The following ABLIM1 variants were observed in gnomAD, a reference collection of about 807,000 sequenced individuals.
ABLIM1 encodes the protein actin binding LIM protein 1, also known as actin-binding LIM protein 1.
ABLIM1 carries 40 observed loss-of-function variants against 107.0 expected under a neutral mutation model. The ratio of observed to expected loss-of-function variants is 0.37; its 90% CI spans 0.29 to 0.49. ABLIM1 has a LOEUF of 0.49. ABLIM1 is among the 20% of genes least tolerant of loss of function. ABLIM1 has a pLI of 0.97. For missense variants in ABLIM1, 857 were observed against 1,008.5 expected (o/e 0.85, Z 2.04); for synonymous variants, 357 against 357.3 (o/e 1.00, Z 0.01).
At chr10:114,632,209 C>G (rs1348761477) in intron 1 of ABLIM1, 9 of 985,278 alleles carry the variant, frequency 9.1e-6, no homozygotes, top group Non-Finnish European at 1.1e-5. Context: ...GCTACAGCTG[C>G]TGCTGTAACA....
intron 2 of ABLIM1, among the ~76,000 whole-genome samples, chr10:114,581,597 C>A (rs2073384015): frequency 1.3e-5 from 2 of 152,136 alleles, no homozygotes; most frequent in East Asian, 3.9e-4. Context: ...GGATGCTAAG[C>A]AAACATGATC....
At chr10:114,618,744 C>T (rs1325143187) in intron 1 of ABLIM1, among the ~76,000 whole-genome samples, 1 of 152,194 alleles carries the variant, frequency 6.6e-6, no homozygotes, top group Non-Finnish European at 1.5e-5. Context: ...ACCACGCTAG[C>T]CCCCAACCTG....
chr10:114,559,327 G>T (rs962198782), intron 4 of ABLIM1, among the ~76,000 whole-genome samples: 1 of 151,584 alleles, frequency 6.6e-6, no homozygotes, highest in Non-Finnish European at 1.5e-5. Context: ...TTCTAGTCGG[G>T]TGTGGTGGCA....
At chr10:114,538,044 G>A (rs910406404) in intron 6 of ABLIM1, among the ~76,000 whole-genome samples, 2 of 152,154 alleles carry the variant, frequency 1.3e-5, no homozygotes, top group Admixed American at 6.5e-5. Flanking sequence ...GCTTAGCCCA[G>A]AACAAGACCT....
chr10:114,756,652 T>C (rs2082636648), intron 1 of ABLIM1, among the ~76,000 whole-genome samples: 1 of 152,246 alleles, frequency 6.6e-6, no homozygotes, highest in Admixed American at 6.5e-5. Flanking sequence ...TTATTCTTAA[T>C]GTTTAATATA....
At chr10:114,487,170 A>G (rs185426364) in intron 8 of ABLIM1, among the ~76,000 whole-genome samples, 1 of 152,340 alleles carries the variant, frequency 6.6e-6, no homozygotes, top group Non-Finnish European at 1.5e-5. Flanking sequence ...ACTATGCACT[A>G]GAATCTGGCC....
chr10:114,634,802 G>T (rs1386933747), intron 1 of ABLIM1, among the ~76,000 whole-genome samples: 1 of 152,168 alleles, frequency 6.6e-6, no homozygotes, highest in African/African-American at 2.4e-5. Context: ...ATCAGACGCT[G>T]CTACTTTGGG....
Position 114,436,056 on chromosome 10 carries a change from A to G in ABLIM1, c.*204T>C, listed in dbSNP as rs2059337889. 1.8e-6 allele frequency: 1 copy of G among 565,048 alleles called. No homozygotes were observed. Among genetic ancestry groups the G allele is most frequent in the Admixed American group, 3.1e-5 (1 of 32,632 alleles). The allele number at this position is 565,048 out of a possible 1,614,324, so 35.0% of individuals were successfully genotyped here. On this transcript the variant is annotated 3_prime_UTR_variant, in exon 23 of 23. Coordinates refer to ENST00000533213, the MANE Select transcript of ABLIM1 (RefSeq NM_002313.7). ...CTACTCTGTGTTTCGGAACATAGAA[A>G]TTTCTACGCCATGCTTCTTGGCAAG...
At chr10:114,551,925 T>C (rs2068110067) in intron 4 of ABLIM1, among the ~76,000 whole-genome samples, 1 of 152,212 alleles carries the variant, frequency 6.6e-6, no homozygotes, top group South Asian at 2.1e-4. Context: ...ACAGCCACTC[T>C]ACATGTTTTA....
chr10:114,482,940 T>G (rs989506638), intron 8 of ABLIM1, among the ~76,000 whole-genome samples: 1 of 152,040 alleles, frequency 6.6e-6, no homozygotes, highest in Non-Finnish European at 1.5e-5. Flanking sequence ...AGTATACTAC[T>G]GGAAAAAATA....
chr10:114,460,104 C>A (rs1211227162), intron 12 of ABLIM1, among the ~76,000 whole-genome samples: 1 of 152,182 alleles, frequency 6.6e-6, no homozygotes, highest in African/African-American at 2.4e-5. Flanking sequence ...TAAAAATTAT[C>A]TTCACACATA....
chr10:114,725,158 A>G (rs575882159), intron 1 of ABLIM1, among the ~76,000 whole-genome samples: 8 of 152,308 alleles, frequency 5.3e-5, no homozygotes, highest in Middle Eastern at 3.4e-3. Context: ...AAATTGATCA[A>G]TATCCCTCCG....
chr10:114,729,549 C>T (rs1207727331), intron 1 of ABLIM1, among the ~76,000 whole-genome samples: 2 of 152,066 alleles, frequency 1.3e-5, no homozygotes, highest in South Asian at 2.1e-4. Context: ...TTGTGAATGA[C>T]CATGACTGCC....
At chr10:114,727,705 A>G (rs1244789896) in intron 1 of ABLIM1, among the ~76,000 whole-genome samples, 2 of 152,254 alleles carry the variant, frequency 1.3e-5, no homozygotes, top group African/African-American at 4.8e-5. Context: ...CCTGTAATCC[A>G]GCACTTTGGG....
At chr10:114,591,325 A>C (rs951654206) in intron 2 of ABLIM1, among the ~76,000 whole-genome samples, 3 of 152,108 alleles carry the variant, frequency 2.0e-5, no homozygotes, top group Admixed American at 6.6e-5. Flanking sequence ...TATTTCCTTA[A>C]TTTAAAAAAA....
intron 5 of ABLIM1, 89 bp downstream of exon 5, chr10:114,547,561 T>C: frequency 6.5e-7 from 1 of 1,543,236 alleles, no homozygotes; most frequent in Non-Finnish European, 8.7e-7. Flanking sequence ...GCACCATTGA[T>C]GGGGTGGGGC....
At chr10:114,752,824 T>A (rs1370310082) in intron 1 of ABLIM1, among the ~76,000 whole-genome samples, 4 of 152,254 alleles carry the variant, frequency 2.6e-5, no homozygotes, top group South Asian at 2.1e-4. Flanking sequence ...CCACATTGTC[T>A]TTATCCAGTC....
At chr10:114,643,726 A>G (rs965851923) in intron 1 of ABLIM1, among the ~76,000 whole-genome samples, 2 of 151,722 alleles carry the variant, frequency 1.3e-5, no homozygotes, top group Non-Finnish European at 2.9e-5. Flanking sequence ...ACAGACATGC[A>G]TCATTATATC....
chr10:114,716,842 T>TAAAAAAAAAAAA (rs34567416), intron 1 of ABLIM1, among the ~76,000 whole-genome samples: 1 of 134,558 alleles, frequency 7.4e-6, no homozygotes, highest in Non-Finnish European at 1.6e-5. Context: ...CTGGAACTGT[T>TAAAAAAAAAAAA]AAAAAAAAAA....
Sources: allele counts gnomAD v4.1 joint callset (sites outside exome capture counted in the v4.1 genomes callset), GRCh38; gene constraint gnomAD v4.1.1; transcripts MANE v1.5; gene names NCBI Gene and HGNC (gene_info 2026-07-23, HGNC 2026-07-21).